ATRNL1: variants seen among roughly 807,000 people sequenced by gnomAD.
The protein encoded by ATRNL1 is attractin like 1, also known as attractin-like protein 1.
ATRNL1 carries 95 observed loss-of-function variants against 182.7 expected under a neutral mutation model. That is an observed-to-expected ratio of 0.52 (90% CI 0.44 to 0.62). The LOEUF is 0.62. Ranked by LOEUF, ATRNL1 falls within the 20% of genes least tolerant of loss-of-function variation. The pLI is 0.00. For missense variants in ATRNL1, 1,471 were observed against 1,679.5 expected (o/e 0.88, Z 2.17); for synonymous variants, 576 against 568.3 (o/e 1.01, Z -0.19).
At chr10:115,412,328 C>T (rs1345518855) in intron 20 of ATRNL1, among the ~76,000 whole-genome samples, 2 of 152,122 alleles carry the variant, frequency 1.3e-5, no homozygotes, top group Non-Finnish European at 2.9e-5. Context: ...CTAGTTAGTC[C>T]TCTGATTAAA....
chr10:115,378,574 A>T (rs1436539295), intron 19 of ATRNL1, among the ~76,000 whole-genome samples: 1 of 152,140 alleles, frequency 6.6e-6, no homozygotes, highest in Non-Finnish European at 1.5e-5. Flanking sequence ...CAGAGGAGTT[A>T]GTCTCCCAGC....
chr10:115,178,975 C>T (rs1332611402), intron 8 of ATRNL1, among the ~76,000 whole-genome samples: 1 of 151,636 alleles, frequency 6.6e-6, no homozygotes, highest in Admixed American at 6.6e-5. Flanking sequence ...AGGAGGAATT[C>T]TGCAACATAT....
intron 28 of ATRNL1, among the ~76,000 whole-genome samples, chr10:115,875,229 G>T (rs543451260): frequency 7.2e-5 from 11 of 152,298 alleles, no homozygotes; most frequent in African/African-American, 2.6e-4. Flanking sequence ...AATGTAAGTT[G>T]ATTTGAGAGA....
At chr10:115,489,695 C>A (rs1404022626) in intron 24 of ATRNL1, among the ~76,000 whole-genome samples, 1 of 152,128 alleles carries the variant, frequency 6.6e-6, no homozygotes, top group East Asian at 1.9e-4. Context: ...CAGTCTGTGT[C>A]TTTTAATTGG....
In ATRNL1 at chr10:115,583,386, G is replaced by C. The variant is rs1253199722; in HGVS notation, c.3795+33850G>C. Among the ~76,000 whole-genome samples, 2 of 109,112 alleles carry C rather than the reference G, an allele frequency of 1.8e-5. 1 individual carries two copies. The highest frequency in any genetic ancestry group is 4.1e-5 in the Non-Finnish European group (2 of 49,320). 71.6% of individuals were successfully genotyped at this position (109,112 alleles called of 152,430 possible). On this transcript the variant is annotated intron_variant, in intron 26 of 28. Transcript: ENST00000355044. ...ATTGATTCTTCCTACCCATGAGCATGGAATGTTCTTCCATTTGTTTGTATC... is the reference window on the plus strand; with the variant it reads ...ATTGATTCTTCCTACCCATGAGCATCGAATGTTCTTCCATTTGTTTGTATC...
chr10:115,185,875 A>G (rs1008908436), intron 8 of ATRNL1, among the ~76,000 whole-genome samples: 20 of 152,040 alleles, frequency 1.3e-4, no homozygotes, highest in Non-Finnish European at 2.5e-4. Flanking sequence ...TATAATACCT[A>G]CAGAAAGAGA....
At chr10:115,830,841 T>C (rs1370780465) in intron 27 of ATRNL1, among the ~76,000 whole-genome samples, 1 of 152,164 alleles carries the variant, frequency 6.6e-6, no homozygotes, top group Non-Finnish European at 1.5e-5. Context: ...TATTGGCCTC[T>C]CTGATGTCAG....
At chr10:115,381,304 T>C (rs994944239) in intron 19 of ATRNL1, among the ~76,000 whole-genome samples, 3 of 151,982 alleles carry the variant, frequency 2.0e-5, no homozygotes, top group Non-Finnish European at 2.9e-5. Flanking sequence ...TCTCACTCTG[T>C]CGCCCAGGCT....
chr10:115,784,809 TA>T (rs1949356832), intron 27 of ATRNL1, among the ~76,000 whole-genome samples: 1 of 152,168 alleles, frequency 6.6e-6, no homozygotes, highest in Non-Finnish European at 1.5e-5. Flanking sequence ...AGACCCACCC[TA>T]ATCCAATACG....
intron 10 of ATRNL1, among the ~76,000 whole-genome samples, chr10:115,263,934 T>C (rs1851497500): frequency 6.6e-6 from 1 of 151,726 alleles, no homozygotes; most frequent in South Asian, 2.1e-4. Context: ...CACTCTCTCT[T>C]TTGAGAATAT....
At chr10:115,677,086 C>T (rs1341079642) in intron 26 of ATRNL1, among the ~76,000 whole-genome samples, 2 of 151,918 alleles carry the variant, frequency 1.3e-5, no homozygotes, top group East Asian at 1.9e-4. Flanking sequence ...ACATATAGTA[C>T]ACATTTGGTT....
chr10:115,432,345 A>T (rs1017217069), intron 21 of ATRNL1, among the ~76,000 whole-genome samples: 1 of 152,092 alleles, frequency 6.6e-6, no homozygotes, highest in African/African-American at 2.4e-5. Context: ...TCTAGATTAC[A>T]TAGGATCCCT....
intron 21 of ATRNL1, among the ~76,000 whole-genome samples, chr10:115,456,877 T>C (rs1453331124): frequency 6.6e-6 from 1 of 152,098 alleles, no homozygotes; most frequent in Non-Finnish European, 1.5e-5. Flanking sequence ...ATTCCTGTAG[T>C]TCAGCAAGTG....
chr10:115,574,416 C>G (rs1423115852), intron 26 of ATRNL1, among the ~76,000 whole-genome samples: 1 of 151,690 alleles, frequency 6.6e-6, no homozygotes, highest in Non-Finnish European at 1.5e-5. Flanking sequence ...CTATAGTTGC[C>G]AATGCTATTC....
At chr10:115,599,215 A>G (rs1421745711) in intron 26 of ATRNL1, among the ~76,000 whole-genome samples, 1 of 152,158 alleles carries the variant, frequency 6.6e-6, no homozygotes, top group Non-Finnish European at 1.5e-5. Flanking sequence ...CTCCTATTTT[A>G]TCATTGCCAA....
intron 8 of ATRNL1, among the ~76,000 whole-genome samples, chr10:115,199,403 A>G (rs1848474258): frequency 6.6e-6 from 1 of 151,626 alleles, no homozygotes; most frequent in African/African-American, 2.4e-5. Context: ...CATCTCTACT[A>G]AAAATACAAA....
intron 8 of ATRNL1, among the ~76,000 whole-genome samples, chr10:115,188,813 T>G (rs1289955544): frequency 2.0e-5 from 3 of 152,106 alleles, no homozygotes; most frequent in Non-Finnish European, 2.9e-5. Flanking sequence ...TGAAAATAGA[T>G]CCATAAAACA....
intron 22 of ATRNL1, among the ~76,000 whole-genome samples, chr10:115,463,621 C>A (rs2134540617): frequency 6.6e-6 from 1 of 152,128 alleles, no homozygotes; most frequent in East Asian, 1.9e-4. Flanking sequence ...TTTTCATTAT[C>A]CCTAACAGAA....
chr10:115,135,192 C>G (rs1468112171), intron 5 of ATRNL1, among the ~76,000 whole-genome samples: 10 of 152,070 alleles, frequency 6.6e-5, no homozygotes, highest in African/African-American at 1.9e-4. Flanking sequence ...CCAGGGCAAT[C>G]AGGCAGGAGA....
Sources: gnomAD v4.1 joint callset for allele counts (sites outside exome capture counted in the v4.1 genomes callset) on GRCh38, gnomAD v4.1.1 for gene constraint, MANE v1.5 for transcripts, NCBI Gene and HGNC (gene_info 2026-07-23, HGNC 2026-07-21) for gene names.